The following FYTTD1 variants were observed in gnomAD, a reference collection of about 807,000 sequenced individuals.
FYTTD1 encodes the protein UAP56-interacting factor.
FYTTD1 carries 22 observed loss-of-function variants against 40.9 expected under a neutral mutation model. That is an observed-to-expected ratio of 0.54 (90% CI 0.38 to 0.77). FYTTD1 has a LOEUF of 0.77. Among genes scored for constraint, FYTTD1 ranks in the 30% least tolerant of loss-of-function variants. FYTTD1 has a pLI of 0.00. For synonymous variants in FYTTD1, 140 were observed against 137.9 expected (o/e 1.01, Z -0.10); for missense variants, 351 against 392.2 (o/e 0.90, Z 0.89).
At chr3:197,775,388 G>A (rs775966142) in intron 6 of FYTTD1, among the ~76,000 whole-genome samples, 1 of 152,108 alleles carries the variant, frequency 6.6e-6, no homozygotes, top group Non-Finnish European at 1.5e-5. Flanking sequence ...TTGGCCCTCT[G>A]TGTCTCAAGG....
At chr3:197,752,778 T>G (rs1295256156) in intron 1 of FYTTD1, among the ~76,000 whole-genome samples, 2 of 151,962 alleles carry the variant, frequency 1.3e-5, no homozygotes, top group Non-Finnish European at 2.9e-5. Flanking sequence ...GTATATATGC[T>G]TTTGTTATTT....
At chr3:197,772,670 G>A (rs1729753684) in intron 4 of FYTTD1, among the ~76,000 whole-genome samples, 1 of 152,208 alleles carries the variant, frequency 6.6e-6, no homozygotes, top group Non-Finnish European at 1.5e-5. Context: ...GTGCAGTGGC[G>A]TGATCTCGGC....
rs776335040 is a variant in FYTTD1 at position 197,756,492 on chromosome 3, T to A, written c.170T>A (p.Leu57His). Residue 57 changes from leucine (L) to histidine (H), a missense_variant, in exon 2 of 9, where the codon CTC (leucine) becomes CAC (histidine). Physicochemically the swap from Leu to His is moderately conservative, Grantham distance 99. Transcript: ENST00000241502. ...KQNFPRLNRR[L>H]LQQSGAQQFR... is the part of the protein sequence containing the mutation. ...AATTTTCCAAGACTAAATAGAAGAC[T>A]CCTCCAGCAAAGTGGTGCCCAGCAA... is the stretch of plus-strand genomic sequence containing the variant. 1.9e-6 allele frequency: 3 copies of A among 1,611,814 alleles called. No homozygotes were observed. Among genetic ancestry groups the A allele is most frequent in the Non-Finnish European group, 2.5e-6 (3 of 1,178,032 alleles).
chr3:197,755,092 C>T (rs1479594383), intron 1 of FYTTD1, among the ~76,000 whole-genome samples: 1 of 152,098 alleles, frequency 6.6e-6, no homozygotes, highest in Admixed American at 6.5e-5. Context: ...TACCTTGGGG[C>T]AGTTTGGAAG....
At chr3:197,770,343 T>C (rs1293623492) in intron 4 of FYTTD1, 99 bp downstream of exon 4, 8 of 739,074 alleles carry the variant, frequency 1.1e-5, no homozygotes, top group African/African-American at 1.8e-5. Context: ...TTTAGTTATC[T>C]GGTCATTTTC....
chr3:197,752,501 C>T (rs1310737038), intron 1 of FYTTD1, among the ~76,000 whole-genome samples: 2 of 151,928 alleles, frequency 1.3e-5, no homozygotes, highest in African/African-American at 4.8e-5. Flanking sequence ...TATTTTTATA[C>T]ATACACTATA....
chr3:197,754,590 TA>T (rs1729157809), intron 1 of FYTTD1, among the ~76,000 whole-genome samples: 2 of 152,146 alleles, frequency 1.3e-5, no homozygotes, highest in Non-Finnish European at 2.9e-5. Context: ...TTCTTTGTTT[TA>T]TTTGCTTTCT....
chr3:197,752,752 A>G (rs1186364610), intron 1 of FYTTD1, among the ~76,000 whole-genome samples: 1 of 151,528 alleles, frequency 6.6e-6, no homozygotes, highest in Non-Finnish European at 1.5e-5. Flanking sequence ...TACACTATAT[A>G]TATGTGTGTA....
chr3:197,762,545 C>T (rs1729419025), intron 2 of FYTTD1, among the ~76,000 whole-genome samples: 1 of 146,294 alleles, frequency 6.8e-6, no homozygotes, highest in East Asian at 2.1e-4. Context: ...GCCGAGATCG[C>T]GTCACTGCAC....
intron 3 of FYTTD1, among the ~76,000 whole-genome samples, chr3:197,769,323 T>G (rs1365993727): frequency 3.3e-5 from 5 of 152,104 alleles, no homozygotes; most frequent in Admixed American, 6.6e-5. Context: ...CCTGACCTCA[T>G]GATCCATCCG....
chr3:197,754,709 G>A (rs1729162813), intron 1 of FYTTD1, among the ~76,000 whole-genome samples: 1 of 144,502 alleles, frequency 6.9e-6, no homozygotes, highest in South Asian at 2.2e-4. Context: ...CTGTTGCCTA[G>A]GCTGGAGTGC....
rs1730145984 is a variant in FYTTD1, at chr3:197,786,073, C to T, written c.*4164C>T. 6.7e-6 allele frequency: 1 copy of T among 150,108 alleles called. No individual in the cohort carries two copies. Among genetic ancestry groups the T allele is most frequent in the South Asian group, 2.1e-4 (1 of 4,702 alleles). 9.3% of individuals were successfully genotyped at this position (150,108 alleles called of 1,614,324 possible). A position where few individuals can be genotyped will look rare whatever the true frequency, so the allele number is the denominator to read the frequency against. ...TTCTAATATCTTTTATTTCCCTTCT[C>T]ACCACAGTTTATTTTCTTTTTTCTT... On this transcript the variant is annotated 3_prime_UTR_variant, in exon 9 of 9. Transcript: ENST00000241502.
At chr3:197,753,822 C>T (rs1729136247) in intron 1 of FYTTD1, among the ~76,000 whole-genome samples, 1 of 152,092 alleles carries the variant, frequency 6.6e-6, no homozygotes, top group Non-Finnish European at 1.5e-5. Context: ...GTGGCACGAT[C>T]TCGGCTTCCC....
intron 4 of FYTTD1, 55 bp from the exon 5 acceptor site, chr3:197,773,347 CA>C: frequency 9.5e-7 from 1 of 1,057,342 alleles, no homozygotes; most frequent in Non-Finnish European, 1.4e-6. Context: ...TATTTTTCCT[CA>C]AGATGTTTGA....
At chr3:197,750,728 A>G (rs1728998506) in intron 1 of FYTTD1, 2 of 985,284 alleles carry the variant, frequency 2.0e-6, no homozygotes, top group Non-Finnish European at 1.2e-6. Context: ...CTAGAAAAGC[A>G]CAGTCTCCCT....
chr3:197,774,325 A>G (rs1182623921), intron 6 of FYTTD1, 115 bp downstream of exon 6: 2 of 879,764 alleles, frequency 2.3e-6, no homozygotes, highest in Non-Finnish European at 3.6e-6. Flanking sequence ...AATAAAATTC[A>G]GTCTGAAAGC....
At chr3:197,773,688 A>G (rs749879452) in intron 5 of FYTTD1, among the ~76,000 whole-genome samples, 189 bp downstream of exon 5, 12 of 152,182 alleles carry the variant, frequency 7.9e-5, no homozygotes, top group Non-Finnish European at 1.2e-4. Flanking sequence ...CTCAATAGCA[A>G]TGTCTTATAA....
chr3:197,766,590 G>A (rs148638209), intron 2 of FYTTD1, among the ~76,000 whole-genome samples: 2,542 of 151,826 alleles, frequency 0.017, 40 homozygotes, highest in Middle Eastern at 0.061. Context: ...CTACAGGTAC[G>A]CGCCACTGCA....
At chr3:197,758,229 T>C (rs1188501163) in intron 2 of FYTTD1, among the ~76,000 whole-genome samples, 2 of 151,120 alleles carry the variant, frequency 1.3e-5, no homozygotes, top group African/African-American at 5.0e-5. Flanking sequence ...ATATTTCTTA[T>C]AAATGTTATT....
Sources: allele counts gnomAD v4.1 joint callset (sites outside exome capture counted in the v4.1 genomes callset), GRCh38; gene constraint gnomAD v4.1.1; transcripts MANE v1.5; gene names NCBI Gene and HGNC (gene_info 2026-07-23, HGNC 2026-07-21).